The following PIK3CB variants were observed in gnomAD, a reference collection of about 807,000 sequenced individuals.
PIK3CB encodes phosphatidylinositol 4,5-bisphosphate 3-kinase catalytic subunit beta isoform.
PIK3CB carries 39 observed loss-of-function variants against 136.8 expected under a neutral mutation model. That is an observed-to-expected ratio of 0.29 (90% CI 0.22 to 0.37). PIK3CB has a LOEUF of 0.37. PIK3CB is among the 10% of genes least tolerant of loss of function. The pLI, the probability that PIK3CB is intolerant of heterozygous loss-of-function variation, is 1.00. For missense variants in PIK3CB, 868 were observed against 1,275.4 expected (o/e 0.68, Z 4.87); for synonymous variants, 428 against 436.6 (o/e 0.98, Z 0.25).
At chr3:138,827,361 C>T (rs1363428701) in intron 1 of PIK3CB, among the ~76,000 whole-genome samples, 1 of 152,030 alleles carries the variant, frequency 6.6e-6, no homozygotes, top group Non-Finnish European at 1.5e-5. Flanking sequence ...GAGTTAAGAA[C>T]GCCTAATAGA....
Position 138,657,029 on chromosome 3 carries a change from A to C in PIK3CB, c.2942+661T>G, listed in dbSNP as rs372563221. ...TGATCTGTGTGCCTTGGCCTCCCAAAGTGCTGAGATTACAGGCATGACCTA... is the reference window on the plus strand; with the variant it reads ...TGATCTGTGTGCCTTGGCCTCCCAACGTGCTGAGATTACAGGCATGACCTA... On this transcript the variant is annotated intron_variant, in intron 22 of 23. Transcript: ENST00000674063. Among the ~76,000 whole-genome samples, 5 of 152,132 alleles carry C rather than the reference A, an allele frequency of 3.3e-5. No individual in the cohort carries two copies. In the East Asian group the frequency reaches 9.6e-4, roughly 29 times the overall value.
At chr3:138,796,151 G>A (rs2046105776) in intron 2 of PIK3CB, among the ~76,000 whole-genome samples, 1 of 152,110 alleles carries the variant, frequency 6.6e-6, no homozygotes, top group South Asian at 2.1e-4. Flanking sequence ...GGGAGGCCAA[G>A]ACGGGCAGAT....
intron 2 of PIK3CB, among the ~76,000 whole-genome samples, chr3:138,769,578 G>A (rs1232509374): frequency 1.3e-5 from 2 of 152,152 alleles, no homozygotes; most frequent in African/African-American, 2.4e-5. Flanking sequence ...AAATTATTGA[G>A]GGAGAGGGCA....
chr3:138,801,738 T>C (rs920661749), intron 1 of PIK3CB, among the ~76,000 whole-genome samples: 1 of 151,338 alleles, frequency 6.6e-6, no homozygotes, highest in Non-Finnish European at 1.5e-5. Context: ...TGGCGCGTGC[T>C]TGTAGTCCTA....
intron 21 of PIK3CB, among the ~76,000 whole-genome samples, 199 bp from the exon 22 acceptor site, chr3:138,658,034 A>T (rs1446373608): frequency 1.3e-5 from 2 of 152,230 alleles, no homozygotes; most frequent in Non-Finnish European, 2.9e-5. Flanking sequence ...AATAATAAAT[A>T]ACCCTGATAT....
At chr3:138,680,914 G>A (rs2043761052) in intron 19 of PIK3CB, among the ~76,000 whole-genome samples, 3 of 150,658 alleles carry the variant, frequency 2.0e-5, no homozygotes, top group South Asian at 4.2e-4. Context: ...TCGTGAACTC[G>A]GGACCTCAGG....
chr3:138,748,668 G>A (rs1472393692), intron 4 of PIK3CB, among the ~76,000 whole-genome samples: 1 of 152,124 alleles, frequency 6.6e-6, no homozygotes, highest in Non-Finnish European at 1.5e-5. Flanking sequence ...CAATCTTTGT[G>A]TTTTTAAGGG....
intron 5 of PIK3CB, among the ~76,000 whole-genome samples, chr3:138,738,484 A>G (rs944391962): frequency 4.6e-5 from 7 of 151,992 alleles, no homozygotes; most frequent in Non-Finnish European, 8.8e-5. Context: ...TACTGCAGCT[A>G]TATTTTGTAT....
At chr3:138,709,330 A>G (rs2044446321) in intron 10 of PIK3CB, among the ~76,000 whole-genome samples, 1 of 34,662 alleles carries the variant, frequency 2.9e-5, no homozygotes, top group Admixed American at 4.3e-4. Context: ...CATGGGGGGA[A>G]AAACAGTTCT....
chr3:138,707,358 G>C, intron 10 of PIK3CB, 69 bp from the exon 11 acceptor site: 1 of 1,510,728 alleles, frequency 6.6e-7, no homozygotes, highest in South Asian at 1.3e-5. Context: ...AAGCTGTAAT[G>C]GATCTCCTCC....
intron 1 of PIK3CB, among the ~76,000 whole-genome samples, chr3:138,803,052 TATGACCAC>T (rs926852888): frequency 1.3e-5 from 2 of 152,202 alleles, no homozygotes; most frequent in Non-Finnish European, 2.9e-5. Flanking sequence ...TCAAACCTGG[TATGACCAC>T]ATTAGATCAG....
chr3:138,707,473 A>G, intron 10 of PIK3CB, 184 bp from the exon 11 acceptor site: 2 of 1,349,168 alleles, frequency 1.5e-6, no homozygotes, highest in Non-Finnish European at 1.9e-6. Flanking sequence ...TTTCAGTGTG[A>G]GTTTGCATAC....
At chr3:138,665,306 GAT>G (rs2043385218) in intron 19 of PIK3CB, 103 bp from the exon 20 acceptor site, 2 of 778,792 alleles carry the variant, frequency 2.6e-6, no homozygotes, top group Non-Finnish European at 3.8e-6. Context: ...TATTATTATT[GAT>G]ATACTTGCCA....
intron 6 of PIK3CB, among the ~76,000 whole-genome samples, chr3:138,735,081 T>A (rs1046670328): frequency 6.6e-6 from 1 of 151,322 alleles, no homozygotes; most frequent in Non-Finnish European, 1.5e-5. Context: ...CTGGAGTACC[T>A]GGGACTACAG....
At chr3:138,704,069 G>A (rs2044313003) in intron 12 of PIK3CB, among the ~76,000 whole-genome samples, 1 of 152,142 alleles carries the variant, frequency 6.6e-6, no homozygotes, top group Non-Finnish European at 1.5e-5. Context: ...GAAGAAATTT[G>A]GGTCACTTGC....
intron 4 of PIK3CB, 65 bp from the exon 5 acceptor site, chr3:138,742,846 T>G: frequency 2.3e-6 from 2 of 871,494 alleles, no homozygotes; most frequent in African/African-American, 1.7e-5. Context: ...ATAGAAAGAA[T>G]ACAAAGTATA....
chr3:138,754,339 G>A (rs1223198011), intron 4 of PIK3CB, among the ~76,000 whole-genome samples: 1 of 152,024 alleles, frequency 6.6e-6, no homozygotes, highest in Non-Finnish European at 1.5e-5. Context: ...TTAGGACGCT[G>A]AGGTGGGAGG....
chr3:138,695,819 T>G (rs904790901), intron 13 of PIK3CB, among the ~76,000 whole-genome samples: 22 of 152,002 alleles, frequency 1.4e-4, no homozygotes, highest in Admixed American at 9.8e-4. Context: ...CAATCTTGGC[T>G]CACTACAACC....
chr3:138,753,252 G>C (rs1276287266), intron 4 of PIK3CB, among the ~76,000 whole-genome samples: 1 of 152,070 alleles, frequency 6.6e-6, no homozygotes, highest in Non-Finnish European at 1.5e-5. Flanking sequence ...TGGGCGCAGT[G>C]GTTCACACCT....
Sources: allele counts gnomAD v4.1 joint callset (sites outside exome capture counted in the v4.1 genomes callset), GRCh38; gene constraint gnomAD v4.1.1; transcripts MANE v1.5; gene names NCBI Gene and HGNC (gene_info 2026-07-23, HGNC 2026-07-21).